CUX1: variants seen among roughly 807,000 people sequenced by gnomAD.
CUX1 encodes the protein cut like homeobox 1.
Under a neutral mutation model 158.8 loss-of-function variants are expected in CUX1, and 31 were observed. The ratio of observed to expected loss-of-function variants is 0.20; its 90% CI spans 0.15 to 0.26. The LOEUF is 0.26. CUX1 is among the 10% of genes least tolerant of loss of function. The probability of loss-of-function intolerance (pLI) is 1.00; values close to 1 mark genes in which losing one functional copy is unlikely to be tolerated. For synonymous variants in CUX1, 879 were observed against 862.1 expected (o/e 1.02, Z -0.34); for missense variants, 1,589 against 2,014.6 (o/e 0.79, Z 4.04).
At position 101,868,108 on chromosome 7, in the gene CUX1, A is replaced by T. The variant is rs534994267; in HGVS notation, c.31-48007A>T. ...GCGATCCTCTTGCCTTCACCTCCCA[A>T]AGTGCTTTGATTACAGGCGAGCTTT... On this transcript the variant is annotated intron_variant, in intron 1 of 23. Transcript: ENST00000292535. Among the ~76,000 whole-genome samples, 16 of 152,208 alleles carry T rather than the reference A, an allele frequency of 1.1e-4. No individual in the cohort carries two copies. The East Asian group carries it at 3.1e-3, about 29-fold the overall frequency.
At position 102,218,933 on chromosome 7, in the gene CUX1, G is replaced by A. The variant is rs569750660; in HGVS notation, c.3131-8434G>A. Among the ~76,000 whole-genome samples, 24 of 151,376 alleles carry A rather than the reference G, an allele frequency of 1.6e-4. No homozygotes were observed. In the South Asian group the frequency reaches 2.3e-3, roughly 15 times the overall value. ...CCAGGCATGGTGGTGCACGCCTGTC[G>A]TTCCAGCTACTCAGGAGGCAGGGGT... is the stretch of plus-strand genomic sequence containing the variant. On this transcript the variant is annotated intron_variant, in intron 20 of 23. Transcript: ENST00000292535.
At chr7:102,159,412 A>G (rs1790160706) in intron 9 of CUX1, among the ~76,000 whole-genome samples, 1 of 152,252 alleles carries the variant, frequency 6.6e-6, no homozygotes, top group African/African-American at 2.4e-5. Flanking sequence ...GATCAGGCAC[A>G]GGACGCATCT....
chr7:101,852,617 C>T (rs1260224205), intron 1 of CUX1, among the ~76,000 whole-genome samples: 2 of 148,454 alleles, frequency 1.3e-5, no homozygotes, highest in African/African-American at 5.0e-5. Context: ...GAACCTGTTG[C>T]AACAAATAAA....
chr7:102,023,458 T>C (rs1175208586), intron 2 of CUX1, among the ~76,000 whole-genome samples: 1 of 152,114 alleles, frequency 6.6e-6, no homozygotes, highest in African/African-American at 2.4e-5. Flanking sequence ...CGATGGAGAA[T>C]TCTGTGGGTC....
intron 10 of CUX1, among the ~76,000 whole-genome samples, chr7:102,177,029 T>G (rs562033138): frequency 6.6e-6 from 1 of 151,592 alleles, no homozygotes; most frequent in East Asian, 1.9e-4. Context: ...AAGGGGTGGG[T>G]AGCCAGGTTT....
In CUX1 at chr7:102,255,927, A is replaced by G; in HGVS notation, c.*6885A>G. 1 of 985,334 alleles carries G rather than the reference A, an allele frequency of 1.0e-6. No homozygotes were observed. The highest frequency in any genetic ancestry group is 1.2e-6 in the Non-Finnish European group (1 of 829,888). The allele number at this position is 985,334 out of a possible 1,614,324, so 61.0% of individuals were successfully genotyped here. On this transcript the variant is annotated 3_prime_UTR_variant, in exon 24 of 24. Coordinates refer to ENST00000292535, the MANE Select transcript of CUX1 (RefSeq NM_181552.4). ...TGTGCAATTGAAATCATTTTTCTTC[A>G]TTTTAAAAAAATAACGTATTGCACA...
chr7:101,901,218 G>A (rs115191516), intron 1 of CUX1, among the ~76,000 whole-genome samples: 1 of 152,082 alleles, frequency 6.6e-6, no homozygotes, highest in Admixed American at 6.6e-5. Flanking sequence ...AGCTCTGGAA[G>A]AAACAGGGCT....
At chr7:102,062,030 G>A (rs936582706) in intron 3 of CUX1, among the ~76,000 whole-genome samples, 4 of 152,226 alleles carry the variant, frequency 2.6e-5, no homozygotes, top group East Asian at 3.8e-4. Context: ...CCCCAGCCCC[G>A]TGGGTGGTCC....
intron 3 of CUX1, among the ~76,000 whole-genome samples, chr7:102,069,831 C>T (rs1322083141): frequency 1.3e-5 from 2 of 152,202 alleles, no homozygotes; most frequent in Non-Finnish European, 1.5e-5. Context: ...TACCCGTCCA[C>T]CTGGGTGAAA....
At chr7:102,156,839 T>C (rs933834642) in intron 8 of CUX1, among the ~76,000 whole-genome samples, 8 of 152,100 alleles carry the variant, frequency 5.3e-5, no homozygotes, top group South Asian at 4.2e-4. Context: ...CAGGACAAAT[T>C]CTAGGGATAT....
At chr7:102,027,839 T>C (rs75370108) in intron 2 of CUX1, among the ~76,000 whole-genome samples, 86 of 152,260 alleles carry the variant, frequency 5.6e-4, no homozygotes, top group African/African-American at 1.9e-3. Context: ...TCCAGCCTGG[T>C]CAACAGAATG....
intron 2 of CUX1, among the ~76,000 whole-genome samples, chr7:101,928,262 G>T (rs1223669147): frequency 6.6e-6 from 1 of 151,966 alleles, no homozygotes; most frequent in East Asian, 1.9e-4. Context: ...TAGGGATTCA[G>T]AACAACCCAG....
intron 3 of CUX1, among the ~76,000 whole-genome samples, chr7:102,064,207 GT>G (rs1415339587): frequency 1.3e-4 from 20 of 152,300 alleles, no homozygotes; most frequent in Admixed American, 1.3e-3. Flanking sequence ...CTTCCAAATA[GT>G]TTTGTGTCTG....
Position 102,170,033 on chromosome 7 carries a change from T to C in CUX1, c.724-413T>C, listed in dbSNP as rs564205727. ...TTTGTGCGTGTTTTTAGGAAGAGAA[T>C]GGCCAAAGTGTCTTTAATTCACTGT... is the stretch of plus-strand genomic sequence containing the variant. On this transcript the variant is annotated intron_variant, in intron 9 of 23. Coordinates refer to ENST00000292535, the MANE Select transcript of CUX1 (RefSeq NM_181552.4). Among the ~76,000 whole-genome samples, 11 of 152,378 alleles carry C rather than the reference T, an allele frequency of 7.2e-5. No individual in the cohort carries two copies. The East Asian group carries it at 2.1e-3, about 29-fold the overall frequency.
At chr7:102,149,534 C>A (rs984813958) in intron 8 of CUX1, among the ~76,000 whole-genome samples, 5 of 152,130 alleles carry the variant, frequency 3.3e-5, no homozygotes, top group Non-Finnish European at 7.4e-5. Context: ...ACATTTGTTT[C>A]CCTTGGGTGT....
intron 1 of CUX1, among the ~76,000 whole-genome samples, chr7:101,833,048 T>A (rs887209958): frequency 6.6e-6 from 1 of 152,098 alleles, no homozygotes; most frequent in African/African-American, 2.4e-5. Context: ...CTGATTCATG[T>A]ATTTTCCTGA....
At chr7:102,185,075 G>A (rs916170588) in intron 11 of CUX1, among the ~76,000 whole-genome samples, 1 of 152,184 alleles carries the variant, frequency 6.6e-6, no homozygotes, top group African/African-American at 2.4e-5. Flanking sequence ...CTCTGCTACA[G>A]AATAGCGGGG....
intron 3 of CUX1, among the ~76,000 whole-genome samples, chr7:102,067,091 C>T (rs1825626799): frequency 6.6e-6 from 1 of 152,080 alleles, no homozygotes; most frequent in Non-Finnish European, 1.5e-5. Context: ...AAAATGTTTT[C>T]ATCACCCCAA....
At chr7:101,910,507 G>A (rs919906639) in intron 1 of CUX1, among the ~76,000 whole-genome samples, 2 of 152,000 alleles carry the variant, frequency 1.3e-5, no homozygotes, top group Admixed American at 6.5e-5. Context: ...CTGTAATTCC[G>A]CACTTTGGCA....
Sources: gnomAD v4.1 joint callset for allele counts (sites outside exome capture counted in the v4.1 genomes callset) on GRCh38, gnomAD v4.1.1 for gene constraint, MANE v1.5 for transcripts, NCBI Gene and HGNC (gene_info 2026-07-23, HGNC 2026-07-21) for gene names.